SORL1: variants seen among roughly 807,000 people sequenced by gnomAD.
SORL1 encodes sortilin related receptor 1.
In SORL1, 127 loss-of-function variants were observed where a neutral mutation model predicts 273.7. That is an observed-to-expected ratio of 0.46 (90% CI 0.40 to 0.54). The LOEUF is 0.54. Among genes scored for constraint, SORL1 ranks in the 20% least tolerant of loss-of-function variants. The pLI, the probability that SORL1 is intolerant of heterozygous loss-of-function variation, is 0.00. For missense variants in SORL1, 2,494 were observed against 2,846.1 expected, an observed-to-expected ratio of 0.88 and a Z score of 2.81; for synonymous variants, 1,031 against 1,067.4, an observed-to-expected ratio of 0.97 and a Z score of 0.66.
chr11:121,618,847 A>C lies in SORL1; in HGVS notation c.5678A>C (p.His1893Pro). The C allele has an allele frequency of 6.2e-7, 1 of 1,614,092 alleles. No homozygotes were observed. Among genetic ancestry groups the C allele is most frequent in the Non-Finnish European group, 8.5e-7 (1 of 1,179,984 alleles). Residue 1893 changes from histidine to proline, a missense_variant, in exon 42 of 48, where the codon CAC (histidine) becomes CCC (proline). Physicochemically the swap from His to Pro is moderately conservative, Grantham distance 77 (BLOSUM62 -2). This residue lies in a region of SORL1 where 1,609 missense variants were observed against 1,816.4 expected (regional missense o/e 0.89). Coordinates refer to ENST00000260197, the MANE Select transcript of SORL1 (RefSeq NM_003105.6). ...RNPKSLTTSL[H>P]NKTVIVSKDE... is the part of the protein sequence containing the mutation. ...CCGAAGAGCTTGACTACTTCACTCCACAACAAGACGGTCATTGTCAGTAAG... is the reference window on the plus strand; with the variant it reads ...CCGAAGAGCTTGACTACTTCACTCCCCAACAAGACGGTCATTGTCAGTAAG...
chr11:121,455,055 G>A (rs75412516), intron 1 of SORL1, among the ~76,000 whole-genome samples: 3,274 of 152,282 alleles, frequency 0.021, 53 homozygotes, highest in African/African-American at 0.026. Context: ...AAGGAATGGT[G>A]ATGTTTTCCA....
intron 11 of SORL1, among the ~76,000 whole-genome samples, chr11:121,523,892 T>C (rs2134860282): frequency 6.6e-6 from 1 of 152,332 alleles, no homozygotes; most frequent in Middle Eastern, 3.4e-3. Flanking sequence ...GAATGCACCA[T>C]GCTCACCTTG....
chr11:121,533,511 C>G (rs1358043256), intron 12 of SORL1, among the ~76,000 whole-genome samples: 1 of 152,150 alleles, frequency 6.6e-6, no homozygotes, highest in African/African-American at 2.4e-5. Flanking sequence ...ACCTTTGGCT[C>G]GTTTCTGAAT....
chr11:121,550,032 G>T lies in SORL1; in HGVS notation c.2124G>T (p.Lys708Asn). Residue 708 changes from lysine (K) to asparagine (N), a missense_variant, in exon 15 of 48, where the codon AAG (lysine) becomes AAT (asparagine). By Grantham distance (94) the Lys-to-Asn change is moderately conservative. Coordinates refer to ENST00000260197, the MANE Select transcript of SORL1 (RefSeq NM_003105.6). This position sits in a 1 kb window ranked among gnomAD's most constrained non-coding sequence, Gnocchi z 5.3. ...VCVPDPEFSG[K>N]SYSPPVPCPV... ...TTCCAGATCCGGAATTTTCTGGAAA[G>T]TCATACTCCCCTCCTGTGCCTTGCC... 1 of 1,613,876 alleles carries T rather than the reference G, an allele frequency of 6.2e-7. No homozygotes were observed. Among genetic ancestry groups the T allele is most frequent in the Non-Finnish European group, 8.5e-7 (1 of 1,179,812 alleles).
At position 121,563,747 on chromosome 11, in the gene SORL1, G is replaced by GT. The variant is rs1862711503; in HGVS notation, c.3050-3187dup. ...CTGGAATTTATTCTTTGTAAAGTGTGTTTTTTCTTTAAAGAGGTTACTTTA... is the reference window on the plus strand; with the variant it reads ...CTGGAATTTATTCTTTGTAAAGTGTGTTTTTTTCTTTAAAGAGGTTACTTTA... On this transcript the variant is annotated intron_variant, in intron 21 of 47. Coordinates refer to ENST00000260197, the MANE Select transcript of SORL1 (RefSeq NM_003105.6). The surrounding 1 kb of genome is among the most constrained non-coding windows in gnomAD (Gnocchi z 4.2). 6.6e-6 allele frequency among the ~76,000 whole-genome samples: 1 copy of GT among 152,120 alleles called. No individual in the cohort carries two copies. The highest frequency in any genetic ancestry group is 2.4e-5 in the African/African-American group (1 of 41,424).
chr11:121,547,652 G>A (rs116988861), intron 14 of SORL1, among the ~76,000 whole-genome samples: 349 of 151,976 alleles, frequency 2.3e-3, no homozygotes, highest in South Asian at 3.9e-3. Flanking sequence ...AAATGAGATC[G>A]TGGGGTGATG....
rs1863204313 is a variant in SORL1 at position 121,591,004 on chromosome 11, C to T, written c.4217C>T (p.Ser1406Leu). The change falls in exon 31 of 48, where the codon TCA becomes TTA. Residue 1406 changes from serine to leucine, a missense_variant. Transcript: ENST00000260197. ...CCGTGCTTGGTGTTTTTCTCAGATTCACATATTCTTCCCTTCTCGACTCCT... is the reference window on the plus strand; with the variant it reads ...CCGTGCTTGGTGTTTTTCTCAGATTTACATATTCTTCCCTTCTCGACTCCT... ...DWSDEKDCGD[S>L]HILPFSTPGP... 6.2e-7 allele frequency: 1 copy of T among 1,614,100 alleles called. No individual in the cohort carries two copies. The highest frequency in any genetic ancestry group is 8.5e-7 in the Non-Finnish European group (1 of 1,180,044).
At chr11:121,547,213 C>T (rs1355845204) in intron 14 of SORL1, among the ~76,000 whole-genome samples, 1 of 151,822 alleles carries the variant, frequency 6.6e-6, no homozygotes, top group Admixed American at 6.6e-5. Context: ...TGGAGAGGTC[C>T]TAATCCCTGA....
chr11:121,548,877 T>C (rs2134894616), intron 14 of SORL1, among the ~76,000 whole-genome samples: 1 of 152,278 alleles, frequency 6.6e-6, no homozygotes, highest in Middle Eastern at 3.4e-3. Flanking sequence ...TAAATATTTG[T>C]TGAATTGAAT....
intron 1 of SORL1, among the ~76,000 whole-genome samples, chr11:121,461,629 A>G (rs1172829757): frequency 2.6e-5 from 4 of 152,220 alleles, no homozygotes; most frequent in Non-Finnish European, 5.9e-5. Context: ...GGAAAGTGCT[A>G]GAAAACAGTG....
intron 31 of SORL1, among the ~76,000 whole-genome samples, chr11:121,592,960 G>A (rs1028496610): frequency 2.0e-5 from 3 of 152,112 alleles, no homozygotes; most frequent in African/African-American, 2.4e-5. Context: ...TTTTTTGTGC[G>A]CAGTGCTGGG....
intron 6 of SORL1, among the ~76,000 whole-genome samples, chr11:121,509,841 ACT>A (rs1028895154): frequency 6.6e-6 from 1 of 152,172 alleles, no homozygotes; most frequent in African/African-American, 2.4e-5. Context: ...AAATTCTCAG[ACT>A]CTATAAGATT....
At chr11:121,472,586 G>C (rs1469341950) in intron 2 of SORL1, among the ~76,000 whole-genome samples, 5 of 152,148 alleles carry the variant, frequency 3.3e-5, no homozygotes, top group African/African-American at 1.2e-4. Flanking sequence ...AGTGAACCAG[G>C]GTGGTTTGTC....
intron 21 of SORL1, 77 bp from the exon 22 acceptor site, chr11:121,566,863 G>T: frequency 7.2e-7 from 1 of 1,381,054 alleles, no homozygotes; most frequent in Non-Finnish European, 9.8e-7. Flanking sequence ...GGAGGTTGCA[G>T]TGGGTCTCCT....
At chr11:121,470,221 G>A in intron 2 of SORL1, 98 bp downstream of exon 2, 1 of 795,642 alleles carries the variant, frequency 1.3e-6, no homozygotes, top group South Asian at 1.4e-5. Context: ...GTGGGTAATT[G>A]GAACATGGAA....
In SORL1 at chr11:121,563,436, C is replaced by A. The variant is rs1862707072; in HGVS notation, c.3050-3504C>A. ...TTGGAGACAGAGTCTCGTTCTGTTA[C>A]CCCGGCTGGAGTGCAGTGATGTGAT... On this transcript the variant is annotated intron_variant, in intron 21 of 47. Transcript: ENST00000260197. This position sits in a 1 kb window ranked among gnomAD's most constrained non-coding sequence, Gnocchi z 4.2. Among the ~76,000 whole-genome samples, 1 of 152,094 alleles carries A rather than the reference C, an allele frequency of 6.6e-6. No homozygotes were observed. The highest frequency in any genetic ancestry group is 6.6e-5 in the Admixed American group (1 of 15,266).
intron 32 of SORL1, among the ~76,000 whole-genome samples, chr11:121,602,794 T>C (rs924967238): frequency 7.9e-5 from 12 of 152,222 alleles, no homozygotes; most frequent in African/African-American, 2.9e-4. Context: ...GGGACTATTA[T>C]CATCCTTGCT....
intron 9 of SORL1, among the ~76,000 whole-genome samples, 154 bp from the exon 10 acceptor site, chr11:121,522,432 G>T (rs1448993429): frequency 2.0e-5 from 3 of 152,176 alleles, no homozygotes; most frequent in African/African-American, 7.2e-5. Flanking sequence ...TGTCTGGGGG[G>T]TGTGGGGACA....
At chr11:121,575,150 T>G (rs1862908712) in intron 24 of SORL1, among the ~76,000 whole-genome samples, 1 of 152,244 alleles carries the variant, frequency 6.6e-6, no homozygotes. Flanking sequence ...CTGAGGTCTG[T>G]AGAGGTCAGG....
Sources: allele counts gnomAD v4.1 joint callset (sites outside exome capture counted in the v4.1 genomes callset), GRCh38; gene constraint gnomAD v4.1.1; regional missense constraint gnomAD v4.1.1; non-coding constraint Gnocchi (gnomAD v3.1); transcripts MANE v1.5; gene names NCBI Gene and HGNC (gene_info 2026-07-23, HGNC 2026-07-21).